The following BPI variants were observed in gnomAD, a reference collection of about 807,000 sequenced individuals.
The protein encoded by BPI is bactericidal permeability-increasing protein.
In BPI, 48 loss-of-function variants were observed where a neutral mutation model predicts 57.6. The observed-to-expected ratio is 0.83, with a 90% CI of 0.66 to 1.06. The LOEUF (loss-of-function observed/expected upper bound fraction) is 1.06. BPI is among the 50% of genes least tolerant of loss of function. BPI has a pLI of 0.00. For missense variants in BPI, 651 were observed against 609.7 expected (o/e 1.07, Z -0.71); for synonymous variants, 237 against 238.2 (o/e 0.99, Z 0.05).
intron 2 of BPI, among the ~76,000 whole-genome samples, chr20:38,308,584 C>T (rs2076607350): frequency 6.6e-6 from 1 of 152,192 alleles, no homozygotes; most frequent in Non-Finnish European, 1.5e-5. Context: ...GTGAAAGGGC[C>T]TTCTATTTTA....
intron 2 of BPI, 26 bp downstream of exon 2, chr20:38,307,707 C>G (rs758956303): frequency 6.4e-7 from 1 of 1,561,764 alleles, no homozygotes; most frequent in South Asian, 1.1e-5. Flanking sequence ...GCTCAATCCT[C>G]GATTTGCAGG....
chr20:38,331,767 C>T (rs7267046), intron 12 of BPI, among the ~76,000 whole-genome samples: 1,735 of 151,044 alleles, frequency 0.011, 32 homozygotes, highest in African/African-American at 0.04. Context: ...GGCTTCAGCC[C>T]GGGAGTTCCA....
In BPI at chr20:38,317,546, A is replaced by G. The variant is rs1366859149; in HGVS notation, c.601-867A>G. 4.5e-6 allele frequency: 3 copies of G among 662,862 alleles called. No individual in the cohort carries two copies. In the South Asian group the frequency reaches 5.1e-5, roughly 11 times the overall value. 41.1% of individuals were successfully genotyped at this position (662,862 alleles called of 1,614,324 possible). On this transcript the variant is annotated intron_variant, in intron 5 of 14. Transcript: ENST00000642449. The stretch of plus-strand genomic sequence containing the variant: ...TCTCCACAGGGCTTGGGCTTCTCGT[A>G]GCATTGAGTGGGTTCTGCACAGCCT...
At chr20:38,315,888 A>G (rs1452978117) in intron 5 of BPI, among the ~76,000 whole-genome samples, 2 of 146,404 alleles carry the variant, frequency 1.4e-5, no homozygotes, top group Non-Finnish European at 3.0e-5. Context: ...GCTGGAGTAC[A>G]GTAGCACAAT....
chr20:38,335,415 A>G (rs1016208554), intron 13 of BPI, 183 bp from the exon 14 acceptor site: 18 of 612,430 alleles, frequency 2.9e-5, no homozygotes, highest in Non-Finnish European at 4.6e-5. Context: ...GTTGATGGAC[A>G]ACAGGTGGGA....
intron 1 of BPI, among the ~76,000 whole-genome samples, chr20:38,304,758 C>T (rs1360384386): frequency 6.6e-6 from 1 of 152,224 alleles, no homozygotes; most frequent in East Asian, 1.9e-4. Context: ...GACCTCCCCA[C>T]CCCGTGCTCT....
chr20:38,312,873 T>G (rs1000229832), intron 5 of BPI, among the ~76,000 whole-genome samples: 2 of 152,226 alleles, frequency 1.3e-5, no homozygotes, highest in African/African-American at 4.8e-5. Context: ...CATAACACAG[T>G]GGACTATAGA....
Position 38,307,832 on chromosome 20 carries a change from C to T in BPI, c.245+151C>T. ...ACATCATCCCAAGGGGAGGCAACCT[C>T]CCAGCTGAGCGTGGAGGAAGCCACA... On this transcript the variant is annotated intron_variant, in intron 2 of 14. Transcript: ENST00000642449. 7.6e-6 allele frequency: 5 copies of T among 661,188 alleles called. No homozygotes were observed. The South Asian group carries it at 1.0e-4, about 14-fold the overall frequency. The allele number at this position is 661,188 out of a possible 1,614,324, so 41.0% of individuals were successfully genotyped here.
chr20:38,304,221 A>G lies in BPI; in HGVS notation c.-3A>G, dbSNP rs1207301767. The G allele has an allele frequency of 6.2e-7, 1 of 1,614,118 alleles. No homozygotes were observed. On this transcript the variant is annotated 5_prime_UTR_variant, in exon 1 of 15. Transcript: ENST00000642449. Reference sequence around the variant, plus strand: ...TTGGCAGCTCTGGAGGATGAGAGAGAACATGGCCAGGGGCCCTTGCAACGC... The same window carrying G: ...TTGGCAGCTCTGGAGGATGAGAGAGGACATGGCCAGGGGCCCTTGCAACGC...
chr20:38,324,136 C>A, intron 8 of BPI, 90 bp downstream of exon 8: 1 of 1,441,446 alleles, frequency 6.9e-7, no homozygotes, highest in Non-Finnish European at 9.4e-7. Context: ...GCTTTTCTCA[C>A]ATTGGGGTAG....
intron 5 of BPI, among the ~76,000 whole-genome samples, chr20:38,313,494 T>C (rs1442045111): frequency 6.6e-6 from 1 of 151,094 alleles, no homozygotes; most frequent in Admixed American, 6.6e-5. Context: ...GCTCACTCAC[T>C]AGGCTAGCTC....
At chr20:38,324,171 G>A in intron 8 of BPI, 125 bp downstream of exon 8, 5 of 1,171,298 alleles carry the variant, frequency 4.3e-6, no homozygotes, top group African/African-American at 1.6e-5. Flanking sequence ...TCTAGAGTCA[G>A]CTAGAGCTGA....
chr20:38,305,002 G>A (rs76529427), intron 1 of BPI, among the ~76,000 whole-genome samples: 6,159 of 152,344 alleles, frequency 0.04, 195 homozygotes, highest in East Asian at 0.17. Context: ...GGGCAGCCTG[G>A]ATTTGAGCTC....
chr20:38,331,182 C>CTACT, intron 12 of BPI, 92 bp downstream of exon 12: 4 of 1,423,002 alleles, frequency 2.8e-6, no homozygotes, highest in Non-Finnish European at 3.9e-6. Context: ...ATTTAAGAGG[C>CTACT]TACTGGCTCA....
chr20:38,320,105 G>T, intron 6 of BPI, 78 bp from the exon 7 acceptor site: 1 of 1,208,748 alleles, frequency 8.3e-7, no homozygotes, highest in Non-Finnish European at 1.2e-6. Context: ...TCAATTTTAG[G>T]GGATTCTGAT....
rs2076756585 is a variant in BPI at position 38,334,345 on chromosome 20, G to A, written c.1273-85G>A. 5 of 1,311,430 alleles carry A rather than the reference G, an allele frequency of 3.8e-6. No individual in the cohort carries two copies. The Admixed American group carries it at 8.4e-5, about 22-fold the overall frequency. 81.2% of individuals were successfully genotyped at this position (1,311,430 alleles called of 1,614,324 possible). On this transcript the variant is annotated intron_variant, in intron 12 of 14. Coordinates refer to ENST00000642449, the MANE Select transcript of BPI (RefSeq NM_001725.3). ...GAGCAGCGCTAGGGGAAAGGAGGGTGACAGAGGTGGGGTGATGAGGACTGC... is the reference window on the plus strand; with the variant it reads ...GAGCAGCGCTAGGGGAAAGGAGGGTAACAGAGGTGGGGTGATGAGGACTGC...
At chr20:38,329,924 C>A (rs1461700790) in intron 11 of BPI, among the ~76,000 whole-genome samples, 8 of 152,030 alleles carry the variant, frequency 5.3e-5, no homozygotes. Context: ...GTTGGCCAGG[C>A]TAGTCTTGAA....
intron 4 of BPI, among the ~76,000 whole-genome samples, 181 bp downstream of exon 4, chr20:38,310,833 G>T (rs1334990946): frequency 6.6e-6 from 1 of 152,226 alleles, no homozygotes; most frequent in South Asian, 2.1e-4. Flanking sequence ...CTTTCTCAAG[G>T]CATCATTTGT....
chr20:38,335,357 G>A (rs901614044), intron 13 of BPI: 2 of 571,478 alleles, frequency 3.5e-6, no homozygotes, highest in African/African-American at 3.8e-5. Flanking sequence ...CCCTCAGGAG[G>A]GCCATCATGG....
Sources: allele counts gnomAD v4.1 joint callset (sites outside exome capture counted in the v4.1 genomes callset), GRCh38; gene constraint gnomAD v4.1.1; transcripts MANE v1.5; gene names NCBI Gene and HGNC (gene_info 2026-07-23, HGNC 2026-07-21).